The following TSNARE1 variants were observed in gnomAD, a reference collection of about 807,000 sequenced individuals.
The protein encoded by TSNARE1 is t-SNARE domain-containing protein 1.
Under a neutral mutation model 62.0 loss-of-function variants are expected in TSNARE1, and 49 were observed. That is an observed-to-expected ratio of 0.79 (90% CI 0.63 to 1.00). The LOEUF is 1.00. Ranked by LOEUF, TSNARE1 falls within the 50% of genes least tolerant of loss-of-function variation. The probability of loss-of-function intolerance (pLI) is 0.00; values close to 1 mark genes in which losing one functional copy is unlikely to be tolerated. For missense variants in TSNARE1, 755 were observed against 700.1 expected (o/e 1.08, Z -0.88); for synonymous variants, 328 against 294.4 (o/e 1.11, Z -1.17).
At chr8:142,335,909 T>C (rs1402137535) in intron 4 of TSNARE1, among the ~76,000 whole-genome samples, 2 of 152,190 alleles carry the variant, frequency 1.3e-5, no homozygotes, top group African/African-American at 4.8e-5. Flanking sequence ...GGGCCTTTCA[T>C]CATTACCAAA....
chr8:142,369,569 T>C (rs2131006924), intron 1 of TSNARE1, among the ~76,000 whole-genome samples: 1 of 152,296 alleles, frequency 6.6e-6, no homozygotes, highest in East Asian at 1.9e-4. Context: ...ATGGCTTCTA[T>C]GTGAAAGGTC....
Position 142,276,075 on chromosome 8 carries a change from G to T in TSNARE1, c.1364-1212C>A, listed in dbSNP as rs528032662. On this transcript the variant is annotated intron_variant, in intron 11 of 13. Coordinates refer to ENST00000524325, the MANE Select transcript of TSNARE1 (RefSeq NM_145003.5). ...CAGCTCCACCCCACCCTTGCCCCCA[G>T]CGCAGGGCCCTAGTGGAGCCGCAGG... 1.3e-5 allele frequency: 13 copies of T among 985,378 alleles called. No individual in the cohort carries two copies. In the African/African-American group the frequency reaches 2.1e-4, roughly 16 times the overall value. 61.0% of individuals were successfully genotyped at this position (985,378 alleles called of 1,614,324 possible). A position where few individuals can be genotyped will look rare whatever the true frequency, so the allele number is the denominator to read the frequency against.
intron 1 of TSNARE1, among the ~76,000 whole-genome samples, chr8:142,367,551 T>C (rs888133516): frequency 1.3e-5 from 2 of 152,196 alleles, no homozygotes; most frequent in Non-Finnish European, 2.9e-5. Context: ...AGGGAGTGAC[T>C]GCTAATATAT....
At chr8:142,276,828 G>A (rs931775081) in intron 11 of TSNARE1, 6 of 985,298 alleles carry the variant, frequency 6.1e-6, no homozygotes, top group Middle Eastern at 5.2e-4. Context: ...GGTCCCAGGG[G>A]CATTCTTAGC....
intron 1 of TSNARE1, among the ~76,000 whole-genome samples, chr8:142,367,442 A>G (rs1203719407): frequency 1.5e-5 from 2 of 133,722 alleles, no homozygotes; most frequent in Non-Finnish European, 3.1e-5. Context: ...AAGACCACAC[A>G]TGTTTGATTC....
intron 1 of TSNARE1, among the ~76,000 whole-genome samples, chr8:142,398,682 C>T (rs1347656384): frequency 6.6e-6 from 1 of 152,222 alleles, no homozygotes; most frequent in Non-Finnish European, 1.5e-5. Context: ...AAGACTCATG[C>T]CAGGCATGGC....
At chr8:142,375,742 C>G (rs1421641017) in intron 1 of TSNARE1, among the ~76,000 whole-genome samples, 1 of 152,234 alleles carries the variant, frequency 6.6e-6, no homozygotes, top group East Asian at 1.9e-4. Context: ...ACTCCCCGCA[C>G]AGAGACCCCC....
At chr8:142,235,895 G>C (rs532819593) in intron 12 of TSNARE1, among the ~76,000 whole-genome samples, 12 of 152,318 alleles carry the variant, frequency 7.9e-5, no homozygotes, top group Non-Finnish European at 1.3e-4. Flanking sequence ...TGGACAAGTT[G>C]AGGAGCATGG....
At chr8:142,257,920 G>C (rs1340810954) in intron 12 of TSNARE1, among the ~76,000 whole-genome samples, 1 of 152,062 alleles carries the variant, frequency 6.6e-6, no homozygotes, top group Admixed American at 6.5e-5. Flanking sequence ...ATAAGAGCTT[G>C]AGCACGCATA....
In TSNARE1 at chr8:142,300,476, C is replaced by T. The variant is rs1348295727; in HGVS notation, c.1290+10G>A. ...TGGAGAGTGAGCACGCTTGCCCACG[C>T]CAGCCTCACCTCCATCTGCAGGATG... On this transcript the variant is annotated intron_variant, in intron 10 of 13. Coordinates refer to ENST00000524325, the MANE Select transcript of TSNARE1 (RefSeq NM_145003.5). The T allele has an allele frequency of 6.3e-7, 1 of 1,597,332 alleles. No homozygotes were observed. Among genetic ancestry groups the T allele is most frequent in the African/African-American group, 1.3e-5 (1 of 74,966 alleles).
intron 13 of TSNARE1, among the ~76,000 whole-genome samples, chr8:142,227,620 G>A (rs1354934942): frequency 6.6e-6 from 1 of 152,244 alleles, no homozygotes; most frequent in African/African-American, 2.4e-5. Context: ...ACCCAAATGA[G>A]GTAAGGCCAC....
chr8:142,278,289 A>G, intron 11 of TSNARE1: 6 of 985,406 alleles, frequency 6.1e-6, no homozygotes, highest in Non-Finnish European at 7.2e-6. Context: ...CACCGCTGTG[A>G]GCAGGAGCAG....
intron 3 of TSNARE1, 87 bp downstream of exon 3, chr8:142,345,656 C>T: frequency 1.4e-6 from 2 of 1,420,798 alleles, no homozygotes; most frequent in African/African-American, 2.9e-5. Flanking sequence ...CCCTGCAGCT[C>T]CCACCTGCTG....
intron 1 of TSNARE1, among the ~76,000 whole-genome samples, chr8:142,356,764 A>C (rs1045802039): frequency 2.0e-5 from 3 of 152,166 alleles, no homozygotes; most frequent in African/African-American, 7.2e-5. Context: ...GCAGCTGAGG[A>C]AACTGAGGCA....
At chr8:142,314,689 C>G (rs1426412016) in intron 8 of TSNARE1, among the ~76,000 whole-genome samples, 1 of 152,218 alleles carries the variant, frequency 6.6e-6, no homozygotes, top group Non-Finnish European at 1.5e-5. Context: ...GCTGGATGGC[C>G]TCTGTCCACG....
intron 12 of TSNARE1, 84 bp from the exon 13 acceptor site, chr8:142,229,663 G>T: frequency 7.8e-7 from 1 of 1,290,212 alleles, no homozygotes; most frequent in Non-Finnish European, 1.1e-6. Context: ...CATACTTTGG[G>T]CTGTGGCATG....
chr8:142,405,813 C>G (rs1838576370), upstream of TSNARE1: 1 of 152,570 alleles, frequency 6.6e-6, no homozygotes, highest in South Asian at 2.1e-4. Context: ...TCCTGCTCTG[C>G]TCCCAGCACA....
In TSNARE1 at chr8:142,223,271, TTC is replaced by T. The variant is rs1816562747; in HGVS notation, c.*11+6200_*11+6201del. 1.2e-4 allele frequency among the ~76,000 whole-genome samples: 7 copies of T among 56,560 alleles called. No individual in the cohort carries two copies. In the South Asian group the frequency reaches 1.8e-3, roughly 15 times the overall value. The allele number at this position is 56,560 out of a possible 152,430, so 37.1% of individuals were successfully genotyped here. A position where few individuals can be genotyped will look rare whatever the true frequency, so the allele number is the denominator to read the frequency against. ...ACTCACTCATTCACTCACTCACTCA[TTC>T]AGTCACTCACTCATACTCACTCAAC... On this transcript the variant is annotated intron_variant, in intron 13 of 13. Transcript: ENST00000524325.
At chr8:142,339,780 CT>C (rs1443160605) in intron 4 of TSNARE1, among the ~76,000 whole-genome samples, 20 of 152,362 alleles carry the variant, frequency 1.3e-4, no homozygotes, top group African/African-American at 4.8e-4. Flanking sequence ...AAAGACAAGG[CT>C]CGCTCCCCAC....
Sources: gnomAD v4.1 joint callset for allele counts (sites outside exome capture counted in the v4.1 genomes callset) on GRCh38, gnomAD v4.1.1 for gene constraint, MANE v1.5 for transcripts, NCBI Gene and HGNC (gene_info 2026-07-23, HGNC 2026-07-21) for gene names.